Variants in PNLIP observed in about 807,000 individuals in gnomAD.
PNLIP encodes the protein pancreatic lipase.
PNLIP carries 49 observed loss-of-function variants against 57.1 expected under a neutral mutation model. The observed-to-expected ratio is 0.86, with a 90% CI of 0.68 to 1.09. PNLIP has a LOEUF of 1.09. PNLIP is among the 50% of genes least tolerant of loss of function. PNLIP has a pLI of 0.00. For synonymous variants in PNLIP, 209 were observed against 200.4 expected (o/e 1.04, Z -0.36); for missense variants, 503 against 570.2 (o/e 0.88, Z 1.20).
Position 116,559,193 on chromosome 10 carries a change from A to G in PNLIP, c.970A>G (p.Met324Val). Residue 324 changes from methionine to valine, a missense_variant, in exon 10 of 13, where the codon ATG becomes GTG. By Grantham distance (21) the Met-to-Val change is conservative. Transcript: ENST00000369221. Reference sequence around the variant, plus strand: ...TTGTCCAAGTGGAGGCTGCCCACAGATGGGTCACTATGCTGATAGATATCC... The same window carrying G: ...TTGTCCAAGTGGAGGCTGCCCACAGGTGGGTCACTATGCTGATAGATATCC... ...FPCPSGGCPQ[M>V]GHYADRYPGK... 2 of 1,613,862 alleles carry G rather than the reference A, an allele frequency of 1.2e-6. No homozygotes were observed. The highest frequency in any genetic ancestry group is 1.7e-6 in the Non-Finnish European group (2 of 1,179,846).
chr10:116,550,392 C>T (rs566525625), intron 4 of PNLIP, among the ~76,000 whole-genome samples: 1 of 151,622 alleles, frequency 6.6e-6, no homozygotes, highest in East Asian at 1.9e-4. Context: ...AAAAAAGAAG[C>T]TATACATAAA....
intron 5 of PNLIP, among the ~76,000 whole-genome samples, chr10:116,553,340 G>A (rs1847215202): frequency 6.6e-6 from 1 of 152,196 alleles, no homozygotes; most frequent in African/African-American, 2.4e-5. Flanking sequence ...CCTGACCTCA[G>A]GTGGTTAGCC....
chr10:116,567,848 G>T lies in PNLIP; in HGVS notation c.*50G>T. ...AATTGACTTCTAATAAAATCTAGTG[G>T]TGATGCATTACATGCCTGTTTCTTT... On this transcript the variant is annotated 3_prime_UTR_variant, in exon 13 of 13. Coordinates refer to ENST00000369221, the MANE Select transcript of PNLIP (RefSeq NM_000936.4). 2.2e-6 allele frequency: 3 copies of T among 1,335,356 alleles called. No homozygotes were observed. Among genetic ancestry groups the T allele is most frequent in the Non-Finnish European group, 3.2e-6 (3 of 925,486 alleles). The allele number at this position is 1,335,356 out of a possible 1,614,324, so 82.7% of individuals were successfully genotyped here. A position where few individuals can be genotyped will look rare whatever the true frequency, so the allele number is the denominator to read the frequency against.
chr10:116,557,786 C>T (rs899184004), intron 9 of PNLIP, among the ~76,000 whole-genome samples: 1 of 152,138 alleles, frequency 6.6e-6, no homozygotes. Context: ...CTCTCCATCT[C>T]TTTTTCCCAG....
chr10:116,558,879 C>A (rs777186523), intron 9 of PNLIP, among the ~76,000 whole-genome samples: 1 of 152,160 alleles, frequency 6.6e-6, no homozygotes, highest in East Asian at 1.9e-4. Context: ...CCTGCCTCAG[C>A]CTCCCAAAGT....
intron 9 of PNLIP, among the ~76,000 whole-genome samples, chr10:116,557,386 G>C (rs1258804403): frequency 1.3e-5 from 2 of 152,190 alleles, no homozygotes; most frequent in Non-Finnish European, 2.9e-5. Context: ...CTCCAAGTGA[G>C]TGCTGGGGCC....
intron 12 of PNLIP, among the ~76,000 whole-genome samples, chr10:116,565,153 G>A (rs1458406078): frequency 6.9e-6 from 1 of 144,440 alleles, no homozygotes; most frequent in Non-Finnish European, 1.5e-5. Context: ...AGGAGGCTGA[G>A]GCAGGAGAAT....
chr10:116,560,394 T>C (rs1462143624), intron 10 of PNLIP, 22 bp from the exon 11 acceptor site: 10 of 1,329,878 alleles, frequency 7.5e-6, no homozygotes, highest in Non-Finnish European at 1.1e-5. Flanking sequence ...AACTGACATT[T>C]TGCAATTTTT....
At chr10:116,552,375 G>T (rs1339377363) in intron 5 of PNLIP, among the ~76,000 whole-genome samples, 1 of 152,138 alleles carries the variant, frequency 6.6e-6, no homozygotes, top group Non-Finnish European at 1.5e-5. Flanking sequence ...ACAAGATGTG[G>T]AAGTGGAAGA....
intron 12 of PNLIP, among the ~76,000 whole-genome samples, chr10:116,565,435 A>C (rs982269630): frequency 6.7e-6 from 1 of 149,612 alleles, no homozygotes; most frequent in Non-Finnish European, 1.5e-5. Context: ...TCAATATCCA[A>C]TTGTATTCTG....
intron 4 of PNLIP, among the ~76,000 whole-genome samples, chr10:116,550,635 C>T (rs1434498768): frequency 1.3e-5 from 2 of 152,162 alleles, no homozygotes; most frequent in African/African-American, 2.4e-5. Context: ...CTAACATTGT[C>T]TTTCATTCAT....
intron 12 of PNLIP, among the ~76,000 whole-genome samples, chr10:116,566,154 A>G (rs1847365439): frequency 6.6e-6 from 1 of 152,182 alleles, no homozygotes; most frequent in Non-Finnish European, 1.5e-5. Flanking sequence ...AATAATCCAA[A>G]TGTCTACCAA....
At chr10:116,561,191 G>A (rs1410246001) in intron 11 of PNLIP, among the ~76,000 whole-genome samples, 1 of 152,058 alleles carries the variant, frequency 6.6e-6, no homozygotes, top group African/African-American at 2.4e-5. Context: ...GTGGGGGAAT[G>A]GTGACTAATA....
Position 116,548,440 on chromosome 10 carries a change from C to T in PNLIP, c.282C>T (p.Phe94=). 1 of 1,613,972 alleles carries T rather than the reference C, an allele frequency of 6.2e-7. No homozygotes were observed. Among genetic ancestry groups the T allele is most frequent in the Non-Finnish European group, 8.5e-7 (1 of 1,179,888 alleles). ...AAACTCGCTTTATTATTCATGGATT[C>T]ATAGACAAGGGAGAAGAAAACTGGC... ...NRKTRFIIHG[F]IDKGEENWLA... is the part of the protein sequence containing the mutation. Residue 94 remains phenylalanine, a synonymous_variant, in exon 4 of 13, where the codon TTC becomes TTT. Coordinates refer to ENST00000369221, the MANE Select transcript of PNLIP (RefSeq NM_000936.4).
intron 12 of PNLIP, 107 bp from the exon 13 acceptor site, chr10:116,567,628 C>T (rs45523539): frequency 0.082 from 69,410 of 841,604 alleles, 3,352 homozygotes; most frequent in African/African-American, 0.15. Flanking sequence ...GCACAGGGTG[C>T]GCCCTTCCCT....
At chr10:116,560,370 G>A (rs969183545) in intron 10 of PNLIP, 46 bp from the exon 11 acceptor site, 2 of 950,250 alleles carry the variant, frequency 2.1e-6, no homozygotes, top group Non-Finnish European at 3.3e-6. Flanking sequence ...TGTTTTTAGT[G>A]TCTTTTATCT....
chr10:116,552,817 T>C (rs1589555724), intron 5 of PNLIP, among the ~76,000 whole-genome samples: 2 of 151,674 alleles, frequency 1.3e-5, no homozygotes, highest in Admixed American at 6.6e-5. Context: ...ACCCGGGAGG[T>C]GGAGCTTGCA....
chr10:116,560,112 A>G (rs1411347071), intron 10 of PNLIP, among the ~76,000 whole-genome samples: 2 of 152,204 alleles, frequency 1.3e-5, no homozygotes, highest in East Asian at 1.9e-4. Context: ...ACTTTCAAGG[A>G]TAAATTGTCA....
Position 116,545,966 on chromosome 10 carries a change from G to C in PNLIP, c.-1+8G>C, listed in dbSNP as rs542619582. ...CCTGACGGAACTGCCACGGTGAGTC[G>C]GGAACATGTTTTCCAGGCCTAATTG... On this transcript the variant is annotated splice_region_variant and intron_variant, in intron 1 of 12. Transcript: ENST00000369221. 10 of 778,500 alleles carry C rather than the reference G, an allele frequency of 1.3e-5. No individual in the cohort carries two copies. The highest frequency in any genetic ancestry group is 2.5e-4 in the Middle Eastern group (1 of 4,040). The allele number at this position is 778,500 out of a possible 1,614,324, so 48.2% of individuals were successfully genotyped here.
Sources: gnomAD v4.1 joint callset for allele counts (sites outside exome capture counted in the v4.1 genomes callset) on GRCh38, gnomAD v4.1.1 for gene constraint, MANE v1.5 for transcripts, NCBI Gene and HGNC (gene_info 2026-07-23, HGNC 2026-07-21) for gene names.